Variants in ANKRD17 observed in about 807,000 individuals in gnomAD.
ANKRD17 encodes ankyrin repeat domain-containing protein 17.
In ANKRD17, 19 loss-of-function variants were observed where a neutral mutation model predicts 229.7. The observed-to-expected ratio is 0.08, with a 90% CI of 0.06 to 0.12. The LOEUF (loss-of-function observed/expected upper bound fraction) is 0.12. Ranked by LOEUF, ANKRD17 falls within the 10% of genes least tolerant of loss-of-function variation. ANKRD17 has a pLI of 1.00. For missense variants in ANKRD17, 2,176 were observed against 3,176.8 expected, an observed-to-expected ratio of 0.68 and a Z score of 7.57; for synonymous variants, 1,112 against 1,146.1, an observed-to-expected ratio of 0.97 and a Z score of 0.60.
intron 2 of ANKRD17, among the ~76,000 whole-genome samples, chr4:73,174,768 T>C (rs999198777): frequency 2.0e-5 from 3 of 152,180 alleles, no homozygotes; most frequent in African/African-American, 7.2e-5. Flanking sequence ...ACCATGTCTA[T>C]ATGCCAAGAA....
chr4:73,215,883 T>G (rs1208655683), intron 1 of ANKRD17, among the ~76,000 whole-genome samples: 1 of 152,166 alleles, frequency 6.6e-6, no homozygotes, highest in Admixed American at 6.5e-5. Context: ...TTCGACCAAA[T>G]AATGTATCAC....
At chr4:73,194,932 G>A (rs1051864575) in intron 1 of ANKRD17, among the ~76,000 whole-genome samples, 2 of 151,802 alleles carry the variant, frequency 1.3e-5, no homozygotes, top group Non-Finnish European at 2.9e-5. Context: ...ATGTTTTTTG[G>A]TGCAATTAGA....
chr4:73,122,328 A>G (rs1726849357), intron 18 of ANKRD17, among the ~76,000 whole-genome samples: 1 of 152,162 alleles, frequency 6.6e-6, no homozygotes, highest in African/African-American at 2.4e-5. Context: ...AAGTGGTTGT[A>G]CTATGTACAC....
At position 73,099,186 on chromosome 4, in the gene ANKRD17, T is replaced by C. The variant is rs987991369; in HGVS notation, c.4574-666A>G. On this transcript the variant is annotated intron_variant, in intron 25 of 33. Transcript: ENST00000358602. ...GTGCCTCACTGAAGGAGCAGCTTCC[T>C]TCTGGGACTGGACAGCTTTTGCTCC... 1.2e-5 allele frequency: 8 copies of C among 651,038 alleles called. No individual in the cohort carries two copies. In the African/African-American group the frequency reaches 1.4e-4, roughly 12 times the overall value. 40.3% of individuals were successfully genotyped at this position (651,038 alleles called of 1,614,324 possible). A position where few individuals can be genotyped will look rare whatever the true frequency, so the allele number is the denominator to read the frequency against.
chr4:73,234,251 A>C (rs1396913034), intron 1 of ANKRD17, among the ~76,000 whole-genome samples: 2 of 152,180 alleles, frequency 1.3e-5, no homozygotes, highest in Admixed American at 1.3e-4. Context: ...TTATCTCTTC[A>C]ATTAAAATTT....
intron 29 of ANKRD17, among the ~76,000 whole-genome samples, chr4:73,087,336 C>T (rs1722304806): frequency 6.6e-6 from 1 of 152,132 alleles, no homozygotes; most frequent in Non-Finnish European, 1.5e-5. Context: ...CCTCTTGTCT[C>T]AGTCTCCCAA....
At chr4:73,247,495 C>T (rs1343648260) in intron 1 of ANKRD17, among the ~76,000 whole-genome samples, 1 of 152,004 alleles carries the variant, frequency 6.6e-6, no homozygotes, top group East Asian at 1.9e-4. Context: ...AAATTATGAA[C>T]ATTTATATTA....
rs1212052290 is a variant in ANKRD17 at position 73,102,652 on chromosome 4, CAA to C, written c.4402-107_4402-106del. 14 of 1,307,236 alleles carry C rather than the reference CAA, an allele frequency of 1.1e-5. No homozygotes were observed. In the East Asian group the frequency reaches 1.7e-4, roughly 15 times the overall value. 81.0% of individuals were successfully genotyped at this position (1,307,236 alleles called of 1,614,324 possible). ...AAGGAAACCATGATATCATAAAATT[CAA>C]AGTCATCTAGTTCAATTCATTGTTT... is the stretch of plus-strand genomic sequence containing the variant. On this transcript the variant is annotated intron_variant, in intron 24 of 33. Transcript: ENST00000358602.
At chr4:73,078,935 A>T in intron 30 of ANKRD17, 45 bp from the exon 31 acceptor site, 2 of 1,538,076 alleles carry the variant, frequency 1.3e-6, no homozygotes, top group Non-Finnish European at 1.8e-6. Context: ...CATCTATAGA[A>T]CATGTAATTT....
intron 25 of ANKRD17, among the ~76,000 whole-genome samples, chr4:73,099,892 C>A (rs1254298732): frequency 6.6e-6 from 1 of 152,090 alleles, no homozygotes; most frequent in Non-Finnish European, 1.5e-5. Flanking sequence ...CATTTATTGT[C>A]CAGGTGAGGC....
intron 15 of ANKRD17, among the ~76,000 whole-genome samples, chr4:73,137,209 T>G (rs1240951823): frequency 6.6e-6 from 1 of 152,102 alleles, no homozygotes; most frequent in Non-Finnish European, 1.5e-5. Context: ...ATGTGGGGCT[T>G]CATTTTAGTG....
chr4:73,185,560 G>T (rs533883916), intron 1 of ANKRD17, among the ~76,000 whole-genome samples: 1 of 151,940 alleles, frequency 6.6e-6, no homozygotes, highest in East Asian at 1.9e-4. Flanking sequence ...CCTCCAAAAA[G>T]ATTTTATATT....
chr4:73,090,581 G>A, intron 29 of ANKRD17, 86 bp downstream of exon 29: 2 of 1,526,422 alleles, frequency 1.3e-6, no homozygotes, highest in Non-Finnish European at 1.8e-6. Flanking sequence ...ATCGTCCAGA[G>A]AATAAAAATA....
At chr4:73,189,403 GTTTTTTT>G (rs763345325) in intron 1 of ANKRD17, among the ~76,000 whole-genome samples, 18 of 112,700 alleles carry the variant, frequency 1.6e-4, no homozygotes, top group Non-Finnish European at 2.7e-4. Context: ...TGCCTGGAAT[GTTTTTTT>G]TTTTTTTTTT....
At chr4:73,103,292 G>GA (rs144541319) in intron 24 of ANKRD17, among the ~76,000 whole-genome samples, 25 of 150,048 alleles carry the variant, frequency 1.7e-4, no homozygotes, top group Admixed American at 4.7e-4. Context: ...TATAAATACA[G>GA]AAAAAAAAAC....
intron 33 of ANKRD17, 64 bp downstream of exon 33, chr4:73,076,876 C>T: frequency 2.0e-6 from 3 of 1,518,500 alleles, no homozygotes; most frequent in Non-Finnish European, 2.7e-6. Context: ...TTACCTGAAT[C>T]CTATTTGTCT....
At chr4:73,255,873 G>A (rs1459361464) in intron 1 of ANKRD17, among the ~76,000 whole-genome samples, 1 of 152,068 alleles carries the variant, frequency 6.6e-6, no homozygotes, top group African/African-American at 2.4e-5. Context: ...ACAGGCATCT[G>A]CCACCACACT....
intron 1 of ANKRD17, among the ~76,000 whole-genome samples, chr4:73,222,530 G>C (rs973381028): frequency 6.6e-6 from 1 of 152,108 alleles, no homozygotes; most frequent in African/African-American, 2.4e-5. Flanking sequence ...ATATAAACAT[G>C]CTTAGTTTAA....
intron 24 of ANKRD17, 33 bp downstream of exon 24, chr4:73,113,759 T>C: frequency 7.0e-7 from 1 of 1,425,762 alleles, no homozygotes; most frequent in African/African-American, 1.4e-5. Context: ...TGGAAAAAAG[T>C]GGGTAGTTTT....
Sources: allele counts gnomAD v4.1 joint callset (sites outside exome capture counted in the v4.1 genomes callset), GRCh38; gene constraint gnomAD v4.1.1; transcripts MANE v1.5; gene names NCBI Gene and HGNC (gene_info 2026-07-23, HGNC 2026-07-21).